LRRC1: variants seen among roughly 807,000 people sequenced by gnomAD.
LRRC1 encodes leucine-rich repeat-containing protein 1.
Under a neutral mutation model 69.9 loss-of-function variants are expected in LRRC1, and 28 were observed. The ratio of observed to expected loss-of-function variants is 0.40; its 90% CI spans 0.30 to 0.55. The LOEUF is 0.55. Ranked by LOEUF, LRRC1 falls within the 20% of genes least tolerant of loss-of-function variation. LRRC1 has a pLI of 0.47. For missense variants in LRRC1, 498 were observed against 609.0 expected, an observed-to-expected ratio of 0.82 and a Z score of 1.92; for synonymous variants, 236 against 240.2, an observed-to-expected ratio of 0.98 and a Z score of 0.16.
intron 2 of LRRC1, among the ~76,000 whole-genome samples, chr6:53,848,908 C>G (rs1766034649): frequency 6.6e-6 from 1 of 152,074 alleles, no homozygotes; most frequent in Non-Finnish European, 1.5e-5. Flanking sequence ...CAGGCGTGTG[C>G]CACCAAGCCC....
At chr6:53,831,311 T>C (rs568268669) in intron 1 of LRRC1, among the ~76,000 whole-genome samples, 97 of 152,274 alleles carry the variant, frequency 6.4e-4, no homozygotes, top group African/African-American at 2.3e-3. Context: ...ATTTAAATTG[T>C]TTGGAATCCT....
intron 1 of LRRC1, among the ~76,000 whole-genome samples, chr6:53,802,824 G>A (rs972309372): frequency 1.3e-5 from 2 of 152,116 alleles, no homozygotes; most frequent in Non-Finnish European, 2.9e-5. Flanking sequence ...AATACTTGGA[G>A]AATATTTATT....
chr6:53,847,024 A>G (rs1452280043), intron 2 of LRRC1, among the ~76,000 whole-genome samples: 1 of 152,188 alleles, frequency 6.6e-6, no homozygotes, highest in Admixed American at 6.5e-5. Flanking sequence ...CATTTAGTTC[A>G]GTTTTCCCCG....
At chr6:53,830,531 GT>G (rs1161591314) in intron 1 of LRRC1, among the ~76,000 whole-genome samples, 5 of 152,178 alleles carry the variant, frequency 3.3e-5, no homozygotes, top group African/African-American at 1.2e-4. Flanking sequence ...CATGAGATCT[GT>G]TTCGTGTTTG....
intron 1 of LRRC1, among the ~76,000 whole-genome samples, chr6:53,822,394 T>C (rs1389367749): frequency 6.6e-6 from 1 of 152,200 alleles, no homozygotes; most frequent in Non-Finnish European, 1.5e-5. Context: ...AGAAGTAATA[T>C]GAGTTTTATT....
chr6:53,801,514 C>G (rs553114939), intron 1 of LRRC1, among the ~76,000 whole-genome samples: 130 of 152,272 alleles, frequency 8.5e-4, no homozygotes, highest in Non-Finnish European at 1.4e-3. Flanking sequence ...CTTTATAGTG[C>G]TGATCTATAC....
rs1479929668 is a variant in LRRC1, at chr6:53,923,662, T to G, written c.*869T>G. On this transcript the variant is annotated 3_prime_UTR_variant, in exon 14 of 14. Coordinates refer to ENST00000370888, the MANE Select transcript of LRRC1 (RefSeq NM_018214.5). Reference sequence around the variant, plus strand: ...TAAGTCTCTCATAATGAGTGCAGTGTCAGACTGTGCCTACTCTGATGGTAT... The same window carrying G: ...TAAGTCTCTCATAATGAGTGCAGTGGCAGACTGTGCCTACTCTGATGGTAT... 1 of 152,648 alleles carries G rather than the reference T, an allele frequency of 6.6e-6. No homozygotes were observed. The highest frequency in any genetic ancestry group is 1.5e-5 in the Non-Finnish European group (1 of 68,038). The allele number at this position is 152,648 out of a possible 1,614,324, so 9.5% of individuals were successfully genotyped here. A position where few individuals can be genotyped will look rare whatever the true frequency, so the allele number is the denominator to read the frequency against.
At chr6:53,806,782 G>A (rs920899218) in intron 1 of LRRC1, among the ~76,000 whole-genome samples, 1 of 152,164 alleles carries the variant, frequency 6.6e-6, no homozygotes, top group Non-Finnish European at 1.5e-5. Context: ...TTACCCTCCT[G>A]TGGTCAGTTG....
At chr6:53,796,371 A>G (rs1764302728) in intron 1 of LRRC1, among the ~76,000 whole-genome samples, 1 of 152,140 alleles carries the variant, frequency 6.6e-6, no homozygotes, top group Admixed American at 6.5e-5. Flanking sequence ...AGGTGTCTCA[A>G]ACCCAGGTGT....
intron 1 of LRRC1, among the ~76,000 whole-genome samples, chr6:53,795,677 T>C (rs938409918): frequency 1.3e-5 from 2 of 152,234 alleles, no homozygotes; most frequent in African/African-American, 4.8e-5. Context: ...TTCTGGACTG[T>C]TAAGTAACTT....
At chr6:53,798,320 C>A (rs1018978286) in intron 1 of LRRC1, among the ~76,000 whole-genome samples, 18 of 152,244 alleles carry the variant, frequency 1.2e-4, no homozygotes, top group Non-Finnish European at 7.3e-5. Context: ...CTAACAAAGG[C>A]AGTCTCACTG....
intron 11 of LRRC1, chr6:53,918,875 C>T (rs1339150367): frequency 1.3e-5 from 2 of 152,224 alleles, no homozygotes; most frequent in Non-Finnish European, 2.9e-5. Flanking sequence ...TCACCTAGGA[C>T]TCTGAGAAGT....
intron 1 of LRRC1, among the ~76,000 whole-genome samples, chr6:53,818,320 T>C (rs2127407991): frequency 6.6e-6 from 1 of 152,320 alleles, no homozygotes; most frequent in African/African-American, 2.4e-5. Context: ...GGCATTCTGT[T>C]TTATAAATAG....
At chr6:53,882,624 A>G (rs1210118396) in intron 3 of LRRC1, among the ~76,000 whole-genome samples, 2 of 152,062 alleles carry the variant, frequency 1.3e-5, no homozygotes, top group Non-Finnish European at 2.9e-5. Context: ...TAGAGCTTGC[A>G]TATCTTTCTA....
chr6:53,838,281 T>A (rs755420548), intron 1 of LRRC1, among the ~76,000 whole-genome samples: 13 of 152,230 alleles, frequency 8.5e-5, no homozygotes, highest in Non-Finnish European at 1.3e-4. Context: ...TTTTTACATC[T>A]GGCATGTACT....
intron 1 of LRRC1, among the ~76,000 whole-genome samples, chr6:53,815,828 C>T (rs574317725): frequency 3.3e-5 from 5 of 152,246 alleles, no homozygotes; most frequent in South Asian, 2.1e-4. Flanking sequence ...ATAGGCAGGC[C>T]GGTTTTTAAA....
At chr6:53,823,685 T>A (rs1034026916) in intron 1 of LRRC1, among the ~76,000 whole-genome samples, 2 of 152,182 alleles carry the variant, frequency 1.3e-5, no homozygotes, top group African/African-American at 4.8e-5. Context: ...CAGTATCTAT[T>A]GTTACCCTTT....
At chr6:53,866,032 T>C (rs1305951707) in intron 2 of LRRC1, among the ~76,000 whole-genome samples, 1 of 152,090 alleles carries the variant, frequency 6.6e-6, no homozygotes, top group African/African-American at 2.4e-5. Flanking sequence ...GACTCAGTTC[T>C]TTCTATATTG....
intron 1 of LRRC1, among the ~76,000 whole-genome samples, chr6:53,835,885 A>AT (rs1436150629): frequency 6.6e-6 from 1 of 151,920 alleles, no homozygotes; most frequent in Non-Finnish European, 1.5e-5. Flanking sequence ...TTTTAACATG[A>AT]TTTTTGCCAT....
Sources: gnomAD v4.1 joint callset for allele counts (sites outside exome capture counted in the v4.1 genomes callset) on GRCh38, gnomAD v4.1.1 for gene constraint, MANE v1.5 for transcripts, NCBI Gene and HGNC (gene_info 2026-07-23, HGNC 2026-07-21) for gene names.